Variants in TMCO4 observed in about 807,000 individuals in gnomAD.
The protein encoded by TMCO4 is transmembrane and coiled-coil domains 4, also known as transmembrane and coiled-coil domain-containing protein 4.
Under a neutral mutation model 64.7 loss-of-function variants are expected in TMCO4, and 58 were observed. The observed-to-expected ratio is 0.90, with a 90% CI of 0.73 to 1.12. TMCO4 has a LOEUF of 1.12. Among genes scored for constraint, TMCO4 ranks in the 50% most tolerant of loss-of-function variants. The probability of loss-of-function intolerance (pLI) is 0.00; values close to 1 mark genes in which losing one functional copy is unlikely to be tolerated. For missense variants in TMCO4, 780 were observed against 825.9 expected, an observed-to-expected ratio of 0.94 and a Z score of 0.68; for synonymous variants, 325 against 346.1, an observed-to-expected ratio of 0.94 and a Z score of 0.68.
At chr1:19,705,909 TTTAAA>T (rs1306135716) in intron 13 of TMCO4, among the ~76,000 whole-genome samples, 8 of 152,164 alleles carry the variant, frequency 5.3e-5, no homozygotes, top group African/African-American at 1.9e-4. Context: ...TTTAATTTAA[TTTAAA>T]TTTTGAGACA....
chr1:19,778,136 G>A (rs1160700048), intron 4 of TMCO4, among the ~76,000 whole-genome samples: 1 of 152,196 alleles, frequency 6.6e-6, no homozygotes, highest in Non-Finnish European at 1.5e-5. Context: ...AACAACTAGG[G>A]CAAAGAAAGT....
intron 13 of TMCO4, among the ~76,000 whole-genome samples, chr1:19,736,643 A>C (rs1345717083): frequency 1.3e-5 from 2 of 150,354 alleles, no homozygotes; most frequent in East Asian, 1.9e-4. Flanking sequence ...TCTGTCCAAA[A>C]CCAGCATTCT....
At chr1:19,755,606 C>A in intron 7 of TMCO4, 28 bp downstream of exon 7, 1 of 1,612,736 alleles carries the variant, frequency 6.2e-7, no homozygotes, top group Non-Finnish European at 8.5e-7. Flanking sequence ...ATCCTTGGAT[C>A]CTGATGGGGG....
Position 19,739,960 on chromosome 1 carries a change from C to A in TMCO4, c.1043G>T (p.Gly348Val), listed in dbSNP as rs746269000. The change falls in exon 12 of 16, where the codon GGC becomes GTC. Residue 348 changes from glycine to valine, a missense_variant and splice_region_variant. Transcript: ENST00000294543. ...TGGCCAGGTCAGGGCAGCCACAATG[C>A]CTGGGGAGGTGAGATAGTGATGAAG... The part of the protein sequence containing the change: ...QEALKYTVLS[G>V]IVAALTWPAS... The A allele has an allele frequency of 1.2e-6, 2 of 1,611,870 alleles. No individual in the cohort carries two copies. The highest frequency in any genetic ancestry group is 1.7e-6 in the Non-Finnish European group (2 of 1,179,046).
intron 2 of TMCO4, among the ~76,000 whole-genome samples, chr1:19,796,382 G>A (rs1406723839): frequency 6.6e-6 from 1 of 152,094 alleles, no homozygotes; most frequent in Non-Finnish European, 1.5e-5. Context: ...CTTCGTCTGG[G>A]CCCCTCCACC....
chr1:19,752,056 A>T (rs2100918337), intron 7 of TMCO4, among the ~76,000 whole-genome samples: 1 of 152,262 alleles, frequency 6.6e-6, no homozygotes, highest in South Asian at 2.1e-4. Flanking sequence ...TCAAAAAAAA[A>T]AAAAATTTTT....
intron 14 of TMCO4, among the ~76,000 whole-genome samples, chr1:19,695,334 C>G (rs952255398): frequency 1.3e-5 from 2 of 152,206 alleles, no homozygotes; most frequent in Non-Finnish European, 2.9e-5. Flanking sequence ...CTTGAAGCAG[C>G]CTTCCCTCGC....
intron 13 of TMCO4, 63 bp downstream of exon 13, chr1:19,737,309 A>C (rs2095459144): frequency 3.3e-6 from 5 of 1,532,194 alleles, no homozygotes; most frequent in Admixed American, 3.4e-5. Flanking sequence ...CCTGGCCCAG[A>C]ACATCTGTCC....
intron 7 of TMCO4, among the ~76,000 whole-genome samples, chr1:19,748,716 T>A (rs1032035592): frequency 6.6e-6 from 1 of 152,026 alleles, no homozygotes; most frequent in African/African-American, 2.4e-5. Flanking sequence ...TTCCAGCTAC[T>A]CAGGAGGCTG....
At chr1:19,758,999 G>T (rs1407164109) in intron 6 of TMCO4, among the ~76,000 whole-genome samples, 1 of 151,420 alleles carries the variant, frequency 6.6e-6, no homozygotes, top group Non-Finnish European at 1.5e-5. Context: ...CTACTCGGGA[G>T]GCTAAGGCAG....
chr1:19,779,606 C>T (rs1234986781), intron 4 of TMCO4, among the ~76,000 whole-genome samples: 1 of 152,182 alleles, frequency 6.6e-6, no homozygotes. Flanking sequence ...CGTTTAAACT[C>T]ATCACAGCAC....
chr1:19,708,185 C>T (rs1174795725), intron 13 of TMCO4, among the ~76,000 whole-genome samples: 1 of 152,048 alleles, frequency 6.6e-6, no homozygotes, highest in Non-Finnish European at 1.5e-5. Context: ...ACATGCTGAA[C>T]CATTCTGAAT....
At chr1:19,788,756 T>C (rs1174184414) in intron 2 of TMCO4, among the ~76,000 whole-genome samples, 3 of 152,186 alleles carry the variant, frequency 2.0e-5, no homozygotes, top group Non-Finnish European at 4.4e-5. Flanking sequence ...CGACTGCATA[T>C]ACAATATGAC....
At chr1:19,722,181 C>T (rs186539170) in intron 13 of TMCO4, among the ~76,000 whole-genome samples, 6 of 152,268 alleles carry the variant, frequency 3.9e-5, no homozygotes, top group East Asian at 1.9e-4. Context: ...TTGAACCAGA[C>T]GATTTCAAAC....
rs189648877 is a variant in TMCO4 at position 19,720,132 on chromosome 1, A to G, written c.1264+17240T>C. Among the ~76,000 whole-genome samples the G allele has an allele frequency of 1.4e-3, 207 of 149,026 alleles. 1 individual carries two copies. The highest frequency in any genetic ancestry group is 4.8e-3 in the African/African-American group (195 of 40,568). ...CCAAGGCACTGGGATTACAGGTATGAACTACCAGGTCTGGCCCTGATTAAA... is the reference window on the plus strand; with the variant it reads ...CCAAGGCACTGGGATTACAGGTATGGACTACCAGGTCTGGCCCTGATTAAA... On this transcript the variant is annotated intron_variant, in intron 13 of 15. Coordinates refer to ENST00000294543, the MANE Select transcript of TMCO4 (RefSeq NM_181719.7).
At chr1:19,723,851 C>T (rs996711279) in intron 13 of TMCO4, among the ~76,000 whole-genome samples, 2 of 152,138 alleles carry the variant, frequency 1.3e-5, no homozygotes, top group African/African-American at 4.8e-5. Flanking sequence ...TGACAATGCC[C>T]TGTGGGTTAA....
chr1:19,702,120 C>A (rs76403812), intron 13 of TMCO4, among the ~76,000 whole-genome samples: 32,315 of 151,704 alleles, frequency 0.21, 3,812 homozygotes, highest in South Asian at 0.26. Context: ...TAGGTGCCCG[C>A]CACCACACCC....
chr1:19,791,672 A>G (rs995252949), intron 2 of TMCO4, among the ~76,000 whole-genome samples: 2 of 152,200 alleles, frequency 1.3e-5, no homozygotes, highest in Admixed American at 6.5e-5. Flanking sequence ...TGCGACGAGA[A>G]AAAGCCCCTT....
intron 6 of TMCO4, among the ~76,000 whole-genome samples, chr1:19,760,545 C>T (rs10917534): frequency 0.33 from 50,946 of 152,104 alleles, 8,670 homozygotes; most frequent in East Asian, 0.39. Context: ...GCCTCCTGAG[C>T]AGTTGGGACT....
Sources: gnomAD v4.1 joint callset for allele counts (sites outside exome capture counted in the v4.1 genomes callset) on GRCh38, gnomAD v4.1.1 for gene constraint, MANE v1.5 for transcripts, NCBI Gene and HGNC (gene_info 2026-07-23, HGNC 2026-07-21) for gene names.